The following BMAL1 variants were observed in gnomAD, a reference collection of about 807,000 sequenced individuals.
BMAL1 encodes basic helix-loop-helix ARNT-like protein 1.
chr11:13,358,422 ATTG>A, the BMAL1 span: 244 of 1,531,308 alleles, frequency 1.6e-4, 1 homozygote, highest in South Asian at 1.6e-3. Context: ...CGTTTTTCAT[ATTG>A]TTGTTCAGGG....
chr11:13,383,099 G>A, the BMAL1 span, among the ~76,000 whole-genome samples: 2 of 152,194 alleles, frequency 1.3e-5, no homozygotes, highest in Non-Finnish European at 2.9e-5. Context: ...ATTAAATGGT[G>A]CACCATACCC....
chr11:13,371,445 T>C, the BMAL1 span, among the ~76,000 whole-genome samples: 1 of 152,228 alleles, frequency 6.6e-6, no homozygotes, highest in African/African-American at 2.4e-5. Flanking sequence ...CCCTCTCATC[T>C]TCACTGCACT....
chr11:13,361,962 G>A, the BMAL1 span, among the ~76,000 whole-genome samples: 1 of 152,220 alleles, frequency 6.6e-6, no homozygotes, highest in Non-Finnish European at 1.5e-5. Context: ...ATTCAAAAGT[G>A]TGTCACTTGG....
the BMAL1 span, among the ~76,000 whole-genome samples, chr11:13,353,040 C>T: frequency 6.6e-6 from 1 of 152,348 alleles, no homozygotes; most frequent in Middle Eastern, 3.4e-3. Flanking sequence ...ACAATGTCTT[C>T]ATTTCATCTC....
chr11:13,365,563 T>A, the BMAL1 span: 1 of 1,613,708 alleles, frequency 6.2e-7, no homozygotes. Context: ...TGTCTCAGAG[T>A]CTGTCTTCAA....
At chr11:13,304,455 A>G in the BMAL1 span, among the ~76,000 whole-genome samples, 16 of 152,268 alleles carry the variant, frequency 1.1e-4, no homozygotes, top group Admixed American at 1.0e-3. Flanking sequence ...CAAGAGGGGA[A>G]ATTTTTTGGA....
the BMAL1 span, chr11:13,379,286 T>C: frequency 2.0e-5 from 3 of 152,186 alleles, no homozygotes; most frequent in Non-Finnish European, 1.5e-5. Flanking sequence ...GGTAACCAGA[T>C]TCTTCAGAAC....
At chr11:13,314,696 C>G in the BMAL1 span, among the ~76,000 whole-genome samples, 5 of 152,194 alleles carry the variant, frequency 3.3e-5, no homozygotes, top group Admixed American at 3.3e-4. Context: ...CCTAAATAAG[C>G]CAGAATATCT....
At chr11:13,348,748 G>A in the BMAL1 span, among the ~76,000 whole-genome samples, 2 of 152,282 alleles carry the variant, frequency 1.3e-5, no homozygotes, top group South Asian at 4.2e-4. Flanking sequence ...CCCAGACTGG[G>A]GTTAACAGAA....
At chr11:13,323,324 C>T in the BMAL1 span, among the ~76,000 whole-genome samples, 1 of 152,204 alleles carries the variant, frequency 6.6e-6, no homozygotes, top group African/African-American at 2.4e-5. Context: ...CCCAGATTGT[C>T]TTCCTGAGCC....
chr11:13,333,504 C>G, the BMAL1 span, among the ~76,000 whole-genome samples: 1 of 152,194 alleles, frequency 6.6e-6, no homozygotes, highest in African/African-American at 2.4e-5. Flanking sequence ...CAAAGTCCAT[C>G]CTCCTTCCTT....
the BMAL1 span, among the ~76,000 whole-genome samples, chr11:13,291,365 T>C: frequency 1.3e-5 from 2 of 152,266 alleles, no homozygotes; most frequent in Admixed American, 1.3e-4. Flanking sequence ...TAGCAAAATC[T>C]CTGTTTTTAA....
the BMAL1 span, among the ~76,000 whole-genome samples, chr11:13,289,499 A>T: frequency 6.6e-6 from 1 of 152,200 alleles, no homozygotes; most frequent in Admixed American, 6.5e-5. Context: ...CATCATTTAC[A>T]TTAGGTATAT....
the BMAL1 span, among the ~76,000 whole-genome samples, chr11:13,373,065 T>C: frequency 6.6e-6 from 1 of 152,212 alleles, no homozygotes; most frequent in African/African-American, 2.4e-5. Context: ...TCCTGAGCTG[T>C]CCAATAAAAT....
At chr11:13,297,506 C>T in the BMAL1 span, among the ~76,000 whole-genome samples, 14 of 152,232 alleles carry the variant, frequency 9.2e-5, no homozygotes, top group Non-Finnish European at 1.6e-4. Flanking sequence ...GCAGTTGCTC[C>T]GGTGCAGGGA....
At chr11:13,313,214 C>T in the BMAL1 span, among the ~76,000 whole-genome samples, 2 of 152,184 alleles carry the variant, frequency 1.3e-5, no homozygotes, top group Non-Finnish European at 2.9e-5. Flanking sequence ...GGTCGGCTCC[C>T]GGTTCTCCTC....
At chr11:13,327,676 C>T in the BMAL1 span, among the ~76,000 whole-genome samples, 7 of 152,118 alleles carry the variant, frequency 4.6e-5, no homozygotes, top group African/African-American at 1.7e-4. Context: ...TTACCATCAT[C>T]GTGTTTACTG....
At chr11:13,300,839 A>G in the BMAL1 span, among the ~76,000 whole-genome samples, 1 of 152,150 alleles carries the variant, frequency 6.6e-6, no homozygotes, top group Non-Finnish European at 1.5e-5. Flanking sequence ...TGACAAACAG[A>G]CAACACTGAC....
At chr11:13,294,204 G>A in the BMAL1 span, among the ~76,000 whole-genome samples, 2 of 151,984 alleles carry the variant, frequency 1.3e-5, no homozygotes, top group Non-Finnish European at 2.9e-5. Context: ...CTTCTTTCTT[G>A]GAACTCTGCG....
Sources: allele counts gnomAD v4.1 joint callset (sites outside exome capture counted in the v4.1 genomes callset), GRCh38; gene constraint gnomAD v4.1.1; transcripts MANE v1.5; gene names NCBI Gene and HGNC (gene_info 2026-07-23, HGNC 2026-07-21).